USO1: variants seen among roughly 807,000 people sequenced by gnomAD.
USO1 encodes the protein USO1 vesicle transport factor, also known as general vesicular transport factor p115.
Under a neutral mutation model 124.5 loss-of-function variants are expected in USO1, and 57 were observed. That is an observed-to-expected ratio of 0.46 (90% confidence interval 0.37 to 0.57). The LOEUF is 0.57. Ranked by LOEUF, USO1 falls within the 20% of genes least tolerant of loss-of-function variation. USO1 has a pLI of 0.00. For missense variants in USO1, 900 were observed against 1,040.6 expected, an observed-to-expected ratio of 0.86 and a Z score of 1.86; for synonymous variants, 369 against 362.8, an observed-to-expected ratio of 1.02 and a Z score of -0.19.
intron 8 of USO1, 134 bp from the exon 9 acceptor site, chr4:75,782,546 C>A: frequency 8.2e-7 from 1 of 1,216,634 alleles, no homozygotes; most frequent in Non-Finnish European, 1.1e-6. Flanking sequence ...CATCAGGTGT[C>A]AGAGCAGACT....
At chr4:75,783,171 G>T (rs1396604597) in intron 9 of USO1, among the ~76,000 whole-genome samples, 5 of 152,134 alleles carry the variant, frequency 3.3e-5, no homozygotes, top group African/African-American at 4.8e-5. Context: ...TTACATTGTT[G>T]ATTTGAATTT....
chr4:75,795,358 T>C, intron 13 of USO1: 1 of 702,232 alleles, frequency 1.4e-6, no homozygotes, highest in Non-Finnish European at 2.6e-6. Context: ...GACAGACGGG[T>C]ATGTATCACT....
At chr4:75,749,402 TTG>T (rs1560439755) in intron 1 of USO1, among the ~76,000 whole-genome samples, 23 of 150,480 alleles carry the variant, frequency 1.5e-4, no homozygotes, top group Admixed American at 2.0e-4. Flanking sequence ...TACTTTCTTT[TTG>T]TTTTTTTTAA....
chr4:75,789,201 T>C (rs1307689045), intron 10 of USO1, among the ~76,000 whole-genome samples: 1 of 152,214 alleles, frequency 6.6e-6, no homozygotes, highest in East Asian at 1.9e-4. Context: ...ACTGAGCACT[T>C]TCAGCTGGAA....
At chr4:75,774,925 A>T in intron 8 of USO1, 129 bp downstream of exon 8, 2 of 1,321,194 alleles carry the variant, frequency 1.5e-6, no homozygotes, top group Non-Finnish European at 2.0e-6. Context: ...TCACTATGGC[A>T]TGTTGACTAT....
intron 13 of USO1, among the ~76,000 whole-genome samples, chr4:75,796,643 C>A (rs1722691157): frequency 6.6e-6 from 1 of 151,960 alleles, no homozygotes. Context: ...CAGCCCGCAG[C>A]TTCAAATATT....
chr4:75,737,661 A>C (rs967976908), intron 1 of USO1, among the ~76,000 whole-genome samples: 3 of 152,122 alleles, frequency 2.0e-5, no homozygotes, highest in African/African-American at 7.2e-5. Context: ...GTGCCACTGC[A>C]CTCCAGCCTG....
intron 7 of USO1, 107 bp from the exon 8 acceptor site, chr4:75,774,569 G>C: frequency 4.5e-6 from 6 of 1,322,630 alleles, no homozygotes; most frequent in Non-Finnish European, 6.1e-6. Context: ...TAAAGGAGTT[G>C]GGCTTGCAAA....
intron 17 of USO1, among the ~76,000 whole-genome samples, 190 bp downstream of exon 17, chr4:75,801,390 GATA>G (rs1722847359): frequency 6.6e-6 from 1 of 152,196 alleles, no homozygotes; most frequent in African/African-American, 2.4e-5. Context: ...TGATTTATTA[GATA>G]ATGATGAGTG....
chr4:75,778,569 G>A (rs1309253586), intron 8 of USO1, among the ~76,000 whole-genome samples: 1 of 152,156 alleles, frequency 6.6e-6, no homozygotes, highest in African/African-American at 2.4e-5. Context: ...GCAAGACTAT[G>A]TGGACCATAA....
intron 11 of USO1, 114 bp from the exon 12 acceptor site, chr4:75,790,528 CT>C: frequency 7.0e-7 from 1 of 1,424,594 alleles, no homozygotes; most frequent in African/African-American, 1.4e-5. Context: ...GATGGAAATA[CT>C]TAACTTGCTG....
chr4:75,734,100 C>T (rs1432503043), intron 1 of USO1, among the ~76,000 whole-genome samples: 1 of 151,938 alleles, frequency 6.6e-6, no homozygotes, highest in Non-Finnish European at 1.5e-5. Context: ...TGCACACCAC[C>T]ACACCCAGAT....
chr4:75,787,069 G>A lies in USO1; in HGVS notation c.863G>A (p.Arg288His), dbSNP rs752906782. 13 of 1,578,888 alleles carry A rather than the reference G, an allele frequency of 8.2e-6. No homozygotes were observed. Among genetic ancestry groups the A allele is most frequent in the Admixed American group, 2.0e-5 (1 of 50,482 alleles). ...TNLHLMLQLVRVLVSPTNPPG... is the reference protein window; with the variant it reads ...TNLHLMLQLVHVLVSPTNPPG... Reference sequence around the variant, plus strand: ...TTTCTCTTTCTTTCACAGCTTGTTCGTGTATTGGTATCTCCCACCAACCCT... The same window carrying A: ...TTTCTCTTTCTTTCACAGCTTGTTCATGTATTGGTATCTCCCACCAACCCT... Residue 288 changes from arginine to histidine, a missense_variant, in exon 10 of 24, where the codon CGT becomes CAT. Transcript: ENST00000514213.
chr4:75,724,910 C>G (rs1028959633), intron 1 of USO1, 25 bp downstream of exon 1: 6 of 1,611,628 alleles, frequency 3.7e-6, no homozygotes, highest in Middle Eastern at 1.7e-4. Context: ...GGGTCTGGGA[C>G]TTGGGAAGGG....
chr4:75,737,062 C>G (rs1720812948), intron 1 of USO1, among the ~76,000 whole-genome samples: 1 of 152,134 alleles, frequency 6.6e-6, no homozygotes, highest in Non-Finnish European at 1.5e-5. Flanking sequence ...GGCTAGTGCT[C>G]AAATCCAGCC....
chr4:75,796,890 T>TC (rs559976009), intron 13 of USO1, among the ~76,000 whole-genome samples: 4,295 of 141,800 alleles, frequency 0.03, 204 homozygotes, highest in African/African-American at 0.1. Context: ...TTTTTTTTTT[T>TC]CTGGTATGTC....
intron 12 of USO1, among the ~76,000 whole-genome samples, chr4:75,792,533 A>G (rs1404553933): frequency 6.6e-6 from 1 of 151,328 alleles, no homozygotes; most frequent in Non-Finnish European, 1.5e-5. Flanking sequence ...GTGAGACTCT[A>G]TCTCAAAAAA....
chr4:75,805,232 G>T lies in USO1; in HGVS notation c.2218G>T (p.Glu740Ter). ...EEIGRLREEI[E>*]ELKRNQELLQ... ...AATTGGTAGATTGCGAGAAGAGATA[G>T]AAGAATTAAAACGTAATCAGGAACT... The change falls in exon 19 of 24, where the codon GAA becomes TAA. Residue 740 changes from glutamate to a stop codon, truncating the protein, a stop_gained. Transcript: ENST00000514213. LOFTEE classifies it high-confidence loss of function. 1 of 1,613,062 alleles carries T rather than the reference G, an allele frequency of 6.2e-7. No homozygotes were observed. Among genetic ancestry groups the T allele is most frequent in the Non-Finnish European group, 8.5e-7 (1 of 1,179,460 alleles).
chr4:75,735,222 G>A (rs935624620), intron 1 of USO1, among the ~76,000 whole-genome samples: 1 of 152,038 alleles, frequency 6.6e-6, no homozygotes, highest in African/African-American at 2.4e-5. Context: ...TTGCATTCTT[G>A]ATTTGGCTCT....
Sources: gnomAD v4.1 joint callset for allele counts (sites outside exome capture counted in the v4.1 genomes callset) on GRCh38, gnomAD v4.1.1 for gene constraint, MANE v1.5 for transcripts, NCBI Gene and HGNC (gene_info 2026-07-23, HGNC 2026-07-21) for gene names.